RNF150: variants seen among roughly 807,000 people sequenced by gnomAD.
RNF150 encodes the protein ring finger protein 150.
A neutral mutation model predicts 39.3 loss-of-function variants in RNF150; 24 were observed. The observed-to-expected ratio is 0.61, with a 90% CI of 0.44 to 0.86. The LOEUF (loss-of-function observed/expected upper bound fraction) is 0.86, where lower values mean the gene tolerates loss of function less well. Ranked by LOEUF, RNF150 falls within the 40% of genes least tolerant of loss-of-function variation. The pLI, the probability that RNF150 is intolerant of heterozygous loss-of-function variation, is 0.00. For missense variants in RNF150, 502 were observed against 587.8 expected, an observed-to-expected ratio of 0.85 and a Z score of 1.51; for synonymous variants, 255 against 227.3, an observed-to-expected ratio of 1.12 and a Z score of -1.10.
chr4:140,957,662 A>AATGATAGACTGG (rs1560986243), intron 2 of RNF150, among the ~76,000 whole-genome samples: 1 of 151,906 alleles, frequency 6.6e-6, no homozygotes, highest in African/African-American at 2.4e-5. Context: ...AATGTCCAAC[A>AATGATAGACTGG]ATGATAGACT....
intron 1 of RNF150, among the ~76,000 whole-genome samples, chr4:141,169,592 A>G (rs924780192): frequency 6.6e-6 from 1 of 152,134 alleles, no homozygotes; most frequent in Admixed American, 6.5e-5. Context: ...TAAAAAGTTA[A>G]TTTTTAACTT....
intron 1 of RNF150, among the ~76,000 whole-genome samples, chr4:141,170,307 T>A (rs1247910955): frequency 6.6e-6 from 1 of 152,202 alleles, no homozygotes; most frequent in Admixed American, 6.5e-5. Context: ...AGGAACTTTA[T>A]CATATAGATG....
intron 1 of RNF150, among the ~76,000 whole-genome samples, chr4:141,054,798 C>T (rs1736907447): frequency 6.6e-6 from 1 of 152,146 alleles, no homozygotes; most frequent in Admixed American, 6.5e-5. Context: ...GTGAGCAAGA[C>T]ATGGCTCTGA....
At chr4:140,911,736 T>C (rs1241946304) in intron 5 of RNF150, among the ~76,000 whole-genome samples, 7 of 152,168 alleles carry the variant, frequency 4.6e-5, no homozygotes, top group Admixed American at 1.3e-4. Context: ...ATGTAGCTGG[T>C]AGCCTGATCA....
chr4:140,975,737 G>A (rs942129629), intron 1 of RNF150, among the ~76,000 whole-genome samples: 1 of 152,128 alleles, frequency 6.6e-6, no homozygotes, highest in Admixed American at 6.5e-5. Context: ...AGAAGATCCA[G>A]AACAGAGTTG....
chr4:140,885,284 T>A (rs1419797540), intron 6 of RNF150, among the ~76,000 whole-genome samples: 1 of 135,686 alleles, frequency 7.4e-6, no homozygotes, highest in African/African-American at 2.8e-5. Flanking sequence ...CACTGCAACC[T>A]CTGCCTCCCA....
intron 3 of RNF150, 71 bp from the exon 4 acceptor site, chr4:140,947,807 C>A: frequency 1.9e-6 from 2 of 1,064,836 alleles, no homozygotes; most frequent in East Asian, 5.5e-5. Context: ...CAAGCCAAAA[C>A]CCAAGGAGAG....
intron 1 of RNF150, among the ~76,000 whole-genome samples, chr4:140,969,912 C>T (rs947970458): frequency 1.7e-4 from 26 of 151,830 alleles, no homozygotes; most frequent in Non-Finnish European, 3.2e-4. Context: ...TACAGGTATG[C>T]GCCATCATGC....
At position 140,860,607 on chromosome 4, in the gene RNF150, C is replaced by T. The variant is rs1728447580; in HGVS notation, c.*7654G>A. On this transcript the variant is annotated 3_prime_UTR_variant, in exon 7 of 7. Transcript: ENST00000515673. ...ATTTTACAACAAAAGCATTTTGTTG[C>T]AAGCATTTGTTTACAATAAAAGTAA... is the stretch of plus-strand genomic sequence containing the variant. 1 of 152,086 alleles carries T rather than the reference C, an allele frequency of 6.6e-6. No individual in the cohort carries two copies. 9.4% of individuals were successfully genotyped at this position (152,086 alleles called of 1,614,324 possible). A position where few individuals can be genotyped will look rare whatever the true frequency, so the allele number is the denominator to read the frequency against.
chr4:140,949,304 G>T lies in RNF150; in HGVS notation c.804C>A (p.Asp268Glu), dbSNP rs1410809747. 6.2e-7 allele frequency: 1 copy of T among 1,610,206 alleles called. No homozygotes were observed. Among genetic ancestry groups the T allele is most frequent in the Admixed American group, 1.7e-5 (1 of 59,834 alleles). The change falls in exon 3 of 7, where the codon GAC becomes GAA. Residue 268 changes from aspartate (D) to glutamate (E), a missense_variant. Physicochemically the swap from Asp to Glu is conservative, Grantham distance 45. Coordinates refer to ENST00000515673, the MANE Select transcript of RNF150 (RefSeq NM_020724.2). ...AAAGAAAAGAGGCTGCTATTACCTT[G>T]TCACCCTTCTTGATGGTCCTGATCT... Reference protein sequence around the residue: ...KLQIRTIKKGDKETESDFDNC... With the variant: ...KLQIRTIKKGEKETESDFDNC...
At chr4:140,953,854 A>G (rs763643732) in intron 2 of RNF150, among the ~76,000 whole-genome samples, 2 of 152,208 alleles carry the variant, frequency 1.3e-5, no homozygotes, top group Non-Finnish European at 2.9e-5. Flanking sequence ...TGGCCCAAAT[A>G]AGGCTACTTA....
chr4:141,153,224 A>C (rs985785482), intron 1 of RNF150, among the ~76,000 whole-genome samples: 17 of 152,178 alleles, frequency 1.1e-4, no homozygotes, highest in African/African-American at 3.9e-4. Context: ...GTGTTCCCCA[A>C]AAATTCATTT....
At chr4:141,006,774 T>A (rs1156403624) in intron 1 of RNF150, among the ~76,000 whole-genome samples, 2 of 152,240 alleles carry the variant, frequency 1.3e-5, no homozygotes, top group Non-Finnish European at 2.9e-5. Context: ...AGATCTCTTT[T>A]TATCTACTTG....
chr4:141,192,833 C>T (rs1728132958), intron 1 of RNF150, among the ~76,000 whole-genome samples: 1 of 152,238 alleles, frequency 6.6e-6, no homozygotes, highest in Non-Finnish European at 1.5e-5. Flanking sequence ...ATTAGCCATA[C>T]TTGCTCACTT....
At chr4:141,146,996 C>T (rs1267638584) in intron 1 of RNF150, among the ~76,000 whole-genome samples, 2 of 152,176 alleles carry the variant, frequency 1.3e-5, no homozygotes, top group African/African-American at 2.4e-5. Context: ...GTGTCTTGCT[C>T]TGTCACCCAG....
chr4:140,934,422 G>A (rs775994799), intron 4 of RNF150, among the ~76,000 whole-genome samples: 2 of 151,844 alleles, frequency 1.3e-5, no homozygotes, highest in Non-Finnish European at 2.9e-5. Flanking sequence ...GTTTTGGCAA[G>A]CAAATATGAT....
intron 1 of RNF150, among the ~76,000 whole-genome samples, chr4:141,095,779 G>A (rs1738749724): frequency 2.0e-5 from 3 of 152,164 alleles, no homozygotes; most frequent in Admixed American, 1.3e-4. Flanking sequence ...CTTCAAGATA[G>A]TGGCTGCCTC....
intron 1 of RNF150, among the ~76,000 whole-genome samples, chr4:141,144,998 G>A (rs978184810): frequency 6.6e-6 from 1 of 152,110 alleles, no homozygotes; most frequent in Admixed American, 6.5e-5. Flanking sequence ...ACATGGTCTG[G>A]ACTTCATGTC....
chr4:141,029,276 C>T (rs1042018033), intron 1 of RNF150, among the ~76,000 whole-genome samples: 28 of 152,118 alleles, frequency 1.8e-4, no homozygotes, highest in African/African-American at 6.8e-4. Flanking sequence ...GGCCCCATCA[C>T]AATTCAATTC....
Sources: gnomAD v4.1 joint callset for allele counts (sites outside exome capture counted in the v4.1 genomes callset) on GRCh38, gnomAD v4.1.1 for gene constraint, MANE v1.5 for transcripts, NCBI Gene and HGNC (gene_info 2026-07-23, HGNC 2026-07-21) for gene names.